ZNF143: variants seen among roughly 807,000 people sequenced by gnomAD.
ZNF143 encodes zinc finger protein 143.
In ZNF143, 49 loss-of-function variants were observed where a neutral mutation model predicts 74.1. The observed-to-expected ratio is 0.66, with a 90% CI of 0.53 to 0.84. The LOEUF (loss-of-function observed/expected upper bound fraction) is 0.84. ZNF143 is among the 40% of genes least tolerant of loss of function. The pLI is 0.00. For missense variants in ZNF143, 637 were observed against 793.4 expected (o/e 0.80, Z 2.37); for synonymous variants, 304 against 282.8 (o/e 1.07, Z -0.75).
At chr11:9,515,326 A>G (rs191882178) in intron 13 of ZNF143, among the ~76,000 whole-genome samples, 2 of 152,160 alleles carry the variant, frequency 1.3e-5, no homozygotes, top group East Asian at 3.9e-4. Context: ...TAAATTAGCA[A>G]CAGGAATGGA....
intron 6 of ZNF143, among the ~76,000 whole-genome samples, chr11:9,479,120 T>G (rs1847138977): frequency 1.3e-5 from 2 of 152,140 alleles, no homozygotes; most frequent in African/African-American, 2.4e-5. Flanking sequence ...CTCATATAAC[T>G]TAAAAGGTTT....
chr11:9,501,611 G>T (rs1181328957), intron 11 of ZNF143, among the ~76,000 whole-genome samples: 3 of 152,152 alleles, frequency 2.0e-5, no homozygotes, highest in African/African-American at 7.2e-5. Context: ...CACTTCTGCA[G>T]GAATGGGAGA....
At chr11:9,519,143 C>G (rs182776804) in intron 14 of ZNF143, among the ~76,000 whole-genome samples, 19 of 152,132 alleles carry the variant, frequency 1.2e-4, no homozygotes. Flanking sequence ...TAGAAAGTTA[C>G]CTTGTGATTC....
intron 7 of ZNF143, among the ~76,000 whole-genome samples, chr11:9,485,380 C>A: frequency 7.8e-6 from 1 of 128,610 alleles, no homozygotes; most frequent in Non-Finnish European, 1.6e-5. Context: ...AGAAGTCTCG[C>A]TATGTCACCC....
chr11:9,514,848 G>A (rs72854119), intron 13 of ZNF143, among the ~76,000 whole-genome samples: 1,910 of 152,330 alleles, frequency 0.013, 21 homozygotes, highest in Non-Finnish European at 0.021. Context: ...AGAAGTCTGG[G>A]CTGGGCACAG....
intron 7 of ZNF143, among the ~76,000 whole-genome samples, chr11:9,490,917 A>G (rs1435668381): frequency 2.6e-5 from 4 of 152,140 alleles, no homozygotes; most frequent in African/African-American, 9.6e-5. Context: ...TCTTTTGCAG[A>G]GATGGGGTTC....
At chr11:9,518,045 A>G (rs899376959) in intron 14 of ZNF143, among the ~76,000 whole-genome samples, 1 of 152,216 alleles carries the variant, frequency 6.6e-6, no homozygotes, top group Non-Finnish European at 1.5e-5. Flanking sequence ...ACTTCTACAA[A>G]TCAACAATGA....
intron 1 of ZNF143, among the ~76,000 whole-genome samples, chr11:9,467,017 C>A (rs1017635639): frequency 6.6e-6 from 1 of 150,580 alleles, no homozygotes; most frequent in Non-Finnish European, 1.5e-5. Flanking sequence ...CCTCAGCCTC[C>A]GGAGTAGCTG....
In ZNF143 at chr11:9,504,925, G is replaced by A. The variant is rs1469229519; in HGVS notation, c.1147+3655G>A. On this transcript the variant is annotated intron_variant, in intron 11 of 15. Coordinates refer to ENST00000396602, the MANE Select transcript of ZNF143 (RefSeq NM_003442.6). The stretch of plus-strand genomic sequence containing the variant: ...CTTGACCTTGTGATCCACCCGCCTC[G>A]GCCTCCCAAAGTGCTGGGATTACAG... Among the ~76,000 whole-genome samples the A allele has an allele frequency of 3.0e-4, 35 of 118,340 alleles. 7 individuals carry two copies. Among genetic ancestry groups the A allele is most frequent in the Non-Finnish European group, 5.1e-4 (26 of 50,540 alleles). 77.6% of individuals were successfully genotyped at this position (118,340 alleles called of 152,430 possible).
chr11:9,462,415 T>A (rs1282561795), intron 1 of ZNF143, among the ~76,000 whole-genome samples: 2 of 152,158 alleles, frequency 1.3e-5, no homozygotes, highest in Non-Finnish European at 2.9e-5. Flanking sequence ...AAAAAAATTT[T>A]TTTTAAGTGA....
rs929522193 is a variant in ZNF143 at position 9,472,917 on chromosome 11, T to A, written c.205+148T>A. On this transcript the variant is annotated intron_variant, in intron 3 of 15. Transcript: ENST00000396602. ...TTTAAGTCATTTCAGTTTAATTCTT[T>A]TTTTTTTTTTTTTTATAATTTGGAA... is the stretch of plus-strand genomic sequence containing the variant. 1.8e-5 allele frequency: 8 copies of A among 433,716 alleles called. 2 individuals are homozygous for A. The highest frequency in any genetic ancestry group is 2.7e-5 in the Non-Finnish European group (7 of 258,704). 26.9% of individuals were successfully genotyped at this position (433,716 alleles called of 1,614,324 possible). A position where few individuals can be genotyped will look rare whatever the true frequency, so the allele number is the denominator to read the frequency against.
At chr11:9,524,478 A>G (rs992878250) in intron 14 of ZNF143, among the ~76,000 whole-genome samples, 6 of 152,224 alleles carry the variant, frequency 3.9e-5, no homozygotes, top group African/African-American at 9.6e-5. Context: ...CTAAATATCT[A>G]TTAGCTTAAA....
intron 7 of ZNF143, among the ~76,000 whole-genome samples, chr11:9,486,371 A>ATT (rs1477531952): frequency 2.7e-5 from 1 of 36,720 alleles, no homozygotes; most frequent in Non-Finnish European, 5.0e-5. Context: ...TATTATATAT[A>ATT]ATATATTATA....
intron 13 of ZNF143, among the ~76,000 whole-genome samples, chr11:9,513,322 A>G (rs571404859): frequency 1.3e-5 from 2 of 152,352 alleles, no homozygotes; most frequent in South Asian, 4.1e-4. Flanking sequence ...ATTAGAAAAT[A>G]CAAAGCTCTT....
chr11:9,469,064 G>A (rs1215826948), intron 1 of ZNF143, among the ~76,000 whole-genome samples: 2 of 151,566 alleles, frequency 1.3e-5, no homozygotes, highest in Non-Finnish European at 2.9e-5. Context: ...AACCTGGGAG[G>A]TGGAGGTTGC....
intron 1 of ZNF143, among the ~76,000 whole-genome samples, chr11:9,468,221 A>G (rs1856362244): frequency 6.6e-6 from 1 of 152,194 alleles, no homozygotes; most frequent in African/African-American, 2.4e-5. Context: ...ATTGAAGTTT[A>G]AGAGAGGTGT....
chr11:9,463,932 A>G (rs1433073913), intron 1 of ZNF143: 1 of 152,214 alleles, frequency 6.6e-6, no homozygotes, highest in Non-Finnish European at 1.5e-5. Context: ...ACATTTTTAA[A>G]TAAATGAATG....
At chr11:9,499,730 A>G (rs1446109860) in intron 10 of ZNF143, among the ~76,000 whole-genome samples, 1 of 152,130 alleles carries the variant, frequency 6.6e-6, no homozygotes, top group African/African-American at 2.4e-5. Context: ...AAATTTAACA[A>G]ACTTACTATA....
At position 9,474,615 on chromosome 11, in the gene ZNF143, A is replaced by G. The variant is rs202077283; in HGVS notation, c.355A>G (p.Ile119Val). The G allele has an allele frequency of 8.1e-6, 13 of 1,614,196 alleles. No homozygotes were observed. In the Admixed American group the frequency reaches 2.0e-4, roughly 25 times the overall value. ...GTTAGAAGATGGTACCACAGCATTTATTCACCACACCTCCAAAGGTAAAAT... is the reference window on the plus strand; with the variant it reads ...GTTAGAAGATGGTACCACAGCATTTGTTCACCACACCTCCAAAGGTAAAAT... Reference protein sequence around the residue: ...VQLEDGTTAFIHHTSKDSYDQ... With the variant: ...VQLEDGTTAFVHHTSKDSYDQ... Residue 119 changes from isoleucine (I) to valine (V), a missense_variant, in exon 5 of 16, where the codon ATT becomes GTT. Coordinates refer to ENST00000396602, the MANE Select transcript of ZNF143 (RefSeq NM_003442.6).
Sources: allele counts gnomAD v4.1 joint callset (sites outside exome capture counted in the v4.1 genomes callset), GRCh38; gene constraint gnomAD v4.1.1; transcripts MANE v1.5; gene names NCBI Gene and HGNC (gene_info 2026-07-23, HGNC 2026-07-21).